ANKRD30B: variants seen among roughly 807,000 people sequenced by gnomAD.
The protein encoded by ANKRD30B is ankyrin repeat domain 30B, also known as ankyrin repeat domain-containing protein 30B.
ANKRD30B carries 144 observed loss-of-function variants against 202.2 expected under a neutral mutation model. The observed-to-expected ratio is 0.71, with a 90% confidence interval of 0.62 to 0.82. The LOEUF (loss-of-function observed/expected upper bound fraction) is 0.82. Ranked by LOEUF, ANKRD30B falls within the 40% of genes least tolerant of loss-of-function variation. The pLI, the probability that ANKRD30B is intolerant of heterozygous loss-of-function variation, is 0.00. For missense variants in ANKRD30B, 1,487 were observed against 1,669.1 expected (o/e 0.89, Z 1.90); for synonymous variants, 508 against 561.3 (o/e 0.91, Z 1.34).
the ANKRD30B span, among the ~76,000 whole-genome samples, chr18:14,884,390 CTG>C: frequency 1.3e-5 from 2 of 152,112 alleles, no homozygotes; most frequent in African/African-American, 4.8e-5. Context: ...AACAAAAACA[CTG>C]TGCTGAACTG....
intron 33 of ANKRD30B, among the ~76,000 whole-genome samples, chr18:14,829,786 A>G (rs977944801): frequency 6.6e-6 from 1 of 152,238 alleles, no homozygotes; most frequent in Non-Finnish European, 1.5e-5. Context: ...AAAAGTCTCC[A>G]CAATCAGAAT....
intron 30 of ANKRD30B, among the ~76,000 whole-genome samples, 165 bp from the exon 31 acceptor site, chr18:14,822,318 C>T (rs1598677227): frequency 6.6e-6 from 1 of 151,792 alleles, no homozygotes; most frequent in African/African-American, 2.4e-5. Flanking sequence ...ATTTCTGTCA[C>T]TCTGGCATGT....
chr18:14,829,458 T>C (rs1359176579), intron 33 of ANKRD30B, among the ~76,000 whole-genome samples: 1 of 152,086 alleles, frequency 6.6e-6, no homozygotes, highest in Non-Finnish European at 1.5e-5. Flanking sequence ...AATAATGGAA[T>C]TAGCTGGAAA....
At chr18:14,832,899 A>T (rs183723902) in intron 34 of ANKRD30B, among the ~76,000 whole-genome samples, 1 of 152,260 alleles carries the variant, frequency 6.6e-6, no homozygotes, top group Admixed American at 6.5e-5. Context: ...GATTTTAAAA[A>T]ATTTAATATA....
chr18:14,909,117 G>A, the ANKRD30B span, among the ~76,000 whole-genome samples: 1 of 152,174 alleles, frequency 6.6e-6, no homozygotes, highest in South Asian at 2.1e-4. Flanking sequence ...CATCAGGAGG[G>A]GCTGCATAGG....
the ANKRD30B span, among the ~76,000 whole-genome samples, chr18:14,924,455 C>T: frequency 7.9e-5 from 12 of 152,320 alleles, no homozygotes; most frequent in East Asian, 1.2e-3. Flanking sequence ...GCTCCATGCC[C>T]GGCCTGTGCT....
the ANKRD30B span, among the ~76,000 whole-genome samples, chr18:14,861,985 C>T: frequency 1.2e-3 from 188 of 152,326 alleles, 1 homozygote; most frequent in African/African-American, 4.3e-3. Flanking sequence ...CAAGAACTCT[C>T]AGAACCACAG....
intron 15 of ANKRD30B, among the ~76,000 whole-genome samples, chr18:14,789,551 T>C (rs563837066): frequency 6.6e-6 from 1 of 152,362 alleles, no homozygotes; most frequent in African/African-American, 2.4e-5. Context: ...TTAATCCATC[T>C]TGAATTACTT....
the ANKRD30B span, among the ~76,000 whole-genome samples, chr18:14,904,601 T>C: frequency 6.6e-6 from 1 of 152,162 alleles, no homozygotes; most frequent in African/African-American, 2.4e-5. Flanking sequence ...TGTCTATATA[T>C]CCATTTACAG....
the ANKRD30B span, among the ~76,000 whole-genome samples, chr18:14,915,056 A>C: frequency 2.0e-5 from 3 of 152,294 alleles, no homozygotes; most frequent in East Asian, 3.9e-4. Context: ...CTACGAAGTA[A>C]ATAGCAGCAG....
chr18:14,758,079 T>A, intron 5 of ANKRD30B, 127 bp downstream of exon 5: 1 of 1,001,018 alleles, frequency 1.0e-6, no homozygotes, highest in Non-Finnish European at 1.5e-6. Flanking sequence ...TTAGAAGGAG[T>A]ACTGGGTCCA....
At chr18:14,789,506 G>C (rs2143912584) in intron 15 of ANKRD30B, among the ~76,000 whole-genome samples, 1 of 152,242 alleles carries the variant, frequency 6.6e-6, no homozygotes, top group Admixed American at 6.5e-5. Context: ...TTTTCTTCTA[G>C]GGTTTTTATG....
At chr18:14,749,409 C>T (rs34121774) in intron 1 of ANKRD30B, among the ~76,000 whole-genome samples, 46,774 of 151,954 alleles carry the variant, frequency 0.31, 7,931 homozygotes, top group Middle Eastern at 0.41. Context: ...CGGTGGCTCA[C>T]GCCTGTAATC....
chr18:14,858,679 C>T (rs1432759667), downstream of ANKRD30B, among the ~76,000 whole-genome samples: 1 of 145,628 alleles, frequency 6.9e-6, no homozygotes, highest in South Asian at 2.1e-4. Flanking sequence ...TCCTCACATC[C>T]CAGACGATGG....
At chr18:14,756,756 G>A (rs2143671825) in intron 4 of ANKRD30B, among the ~76,000 whole-genome samples, 1 of 152,244 alleles carries the variant, frequency 6.6e-6, no homozygotes, top group African/African-American at 2.4e-5. Context: ...TACTGCCATG[G>A]TGGCGCATGC....
At chr18:14,879,146 C>T in the ANKRD30B span, among the ~76,000 whole-genome samples, 1 of 152,184 alleles carries the variant, frequency 6.6e-6, no homozygotes, top group Non-Finnish European at 1.5e-5. Flanking sequence ...TTTGGGACAA[C>T]TCGGGGCCAC....
At chr18:14,905,216 C>T in the ANKRD30B span, among the ~76,000 whole-genome samples, 1 of 152,198 alleles carries the variant, frequency 6.6e-6, no homozygotes, top group Admixed American at 6.5e-5. Flanking sequence ...AACAGCAGCC[C>T]TTGAAGCTGC....
chr18:14,899,785 AT>A, the ANKRD30B span, among the ~76,000 whole-genome samples: 1 of 152,184 alleles, frequency 6.6e-6, no homozygotes, highest in Non-Finnish European at 1.5e-5. Flanking sequence ...TTTTGGAGTT[AT>A]TTTATGCTTC....
chr18:14,760,623 G>T lies in ANKRD30B; in HGVS notation c.820+5G>T. On this transcript the variant is annotated splice_donor_5th_base_variant and intron_variant, in intron 6 of 43. Coordinates refer to ENST00000690538, the MANE Select transcript of ANKRD30B (RefSeq NM_001367607.2). ...ATCCTCAAAATACCAATCCAGGTAAGACTTCGGATAGCAAACTACTCTTGA... is the reference window on the plus strand; with the variant it reads ...ATCCTCAAAATACCAATCCAGGTAATACTTCGGATAGCAAACTACTCTTGA... The T allele has an allele frequency of 6.5e-7, 1 of 1,529,154 alleles. No individual in the cohort carries two copies. The highest frequency in any genetic ancestry group is 1.2e-5 in the South Asian group (1 of 80,264). The allele number at this position is 1,529,154 out of a possible 1,614,324, so 94.7% of individuals were successfully genotyped here. A position where few individuals can be genotyped will look rare whatever the true frequency, so the allele number is the denominator to read the frequency against.
Sources: allele counts gnomAD v4.1 joint callset (sites outside exome capture counted in the v4.1 genomes callset), GRCh38; gene constraint gnomAD v4.1.1; transcripts MANE v1.5; gene names NCBI Gene and HGNC (gene_info 2026-07-23, HGNC 2026-07-21).